Variants in ZNF790 observed in about 807,000 individuals in gnomAD.
The protein encoded by ZNF790 is zinc finger protein 790.
A neutral mutation model predicts 12.1 loss-of-function variants in ZNF790; 8 were observed. The observed-to-expected ratio is 0.66, with a 90% CI of 0.39 to 1.19. ZNF790 has a LOEUF of 1.19. Among genes scored for constraint, ZNF790 ranks in the 50% most tolerant of loss-of-function variants. ZNF790 has a pLI of 0.01. For missense variants in ZNF790, 707 were observed against 752.2 expected (o/e 0.94, Z 0.70); for synonymous variants, 252 against 244.3 (o/e 1.03, Z -0.29).
intron 1 of ZNF790, among the ~76,000 whole-genome samples, chr19:36,846,950 A>G (rs1257243484): frequency 6.6e-6 from 1 of 152,188 alleles, no homozygotes; most frequent in East Asian, 1.9e-4. Flanking sequence ...TACCTCTCTG[A>G]TATTGTGATG....
chr19:36,841,885 A>T (rs2072133046), upstream of ZNF790, among the ~76,000 whole-genome samples: 2 of 148,486 alleles, frequency 1.3e-5, no homozygotes, highest in South Asian at 2.2e-4. Context: ...AGTTATTATT[A>T]TTTTTTTTTG....
chr19:36,834,227 G>C (rs1043125108), intron 1 of ZNF790, among the ~76,000 whole-genome samples: 4 of 114,776 alleles, frequency 3.5e-5, no homozygotes, highest in Admixed American at 2.4e-4. Flanking sequence ...TGGGCAACAA[G>C]AGCGAAACTC....
chr19:36,826,616 T>TATC (rs2071807044), intron 1 of ZNF790, among the ~76,000 whole-genome samples: 2 of 50,516 alleles, frequency 4.0e-5, no homozygotes, highest in Non-Finnish European at 8.5e-5. Context: ...AATTTTATAA[T>TATC]TATCTATAAT....
At chr19:36,823,483 C>A (rs2071721979) in intron 3 of ZNF790, 103 bp from the exon 4 acceptor site, 1 of 1,297,658 alleles carries the variant, frequency 7.7e-7, no homozygotes. Context: ...ACAGGCAGGA[C>A]AAAAATAAGT....
At chr19:36,826,425 A>G (rs2071800697) in intron 1 of ZNF790, among the ~76,000 whole-genome samples, 1 of 151,956 alleles carries the variant, frequency 6.6e-6, no homozygotes, top group South Asian at 2.1e-4. Context: ...TCTACTAAAA[A>G]TACAAAAATT....
Position 36,820,735 on chromosome 19 carries a change from C to T in ZNF790, c.230-621G>A, listed in dbSNP as rs537651965. On this transcript the variant is annotated intron_variant, in intron 4 of 4. Transcript: ENST00000356725. ...CCTAGGCAACATGGCAAAAACCCAT[C>T]TCTATAAAAAATTAGCCAGGAGTGG... 2.6e-5 allele frequency among the ~76,000 whole-genome samples: 4 copies of T among 152,048 alleles called. No individual in the cohort carries two copies. In the East Asian group the frequency reaches 7.8e-4, roughly 29 times the overall value.
At chr19:36,830,677 G>A (rs1724210283) in intron 1 of ZNF790, among the ~76,000 whole-genome samples, 3 of 152,134 alleles carry the variant, frequency 2.0e-5, no homozygotes, top group African/African-American at 7.2e-5. Context: ...TAAAAAAATT[G>A]TCTTCTACTG....
At chr19:36,846,545 C>G (rs973955116) in intron 1 of ZNF790, among the ~76,000 whole-genome samples, 1 of 151,342 alleles carries the variant, frequency 6.6e-6, no homozygotes, top group African/African-American at 2.4e-5. Flanking sequence ...GCCTGGGCGA[C>G]AGAGCGAGAC....
chr19:36,819,383 G>C lies in ZNF790; in HGVS notation c.961C>G (p.Gln321Glu), dbSNP rs777548859. 6.2e-7 allele frequency: 1 copy of C among 1,612,976 alleles called. No homozygotes were observed. Among genetic ancestry groups the C allele is most frequent in the Non-Finnish European group, 8.5e-7 (1 of 1,179,390 alleles). ...TGATGTTTAATAAGATGTGATCGCTGACTAAAGGCCTTTCTACATTCATTA... is the reference window on the plus strand; with the variant it reads ...TGATGTTTAATAAGATGTGATCGCTCACTAAAGGCCTTTCTACATTCATTA... ...ECNECRKAFS[Q>E]RSHLIKHQRI... The change falls in exon 5 of 5, where the codon CAG (glutamine) becomes GAG (glutamate). Residue 321 changes from glutamine (Q) to glutamate (E), a missense_variant. Transcript: ENST00000356725.
intron 1 of ZNF790, among the ~76,000 whole-genome samples, chr19:36,846,519 G>GT (rs2072182552): frequency 2.0e-5 from 3 of 152,060 alleles, no homozygotes; most frequent in Admixed American, 2.0e-4. Context: ...AGCCGAGACA[G>GT]TGCCACTGCA....
chr19:36,822,502 G>A (rs1027747412), intron 4 of ZNF790, among the ~76,000 whole-genome samples: 2 of 150,102 alleles, frequency 1.3e-5, no homozygotes, highest in Non-Finnish European at 3.0e-5. Context: ...CTAGGCCTCA[G>A]GCCCTTATTA....
At chr19:36,832,841 G>GGTGTCATTTCACATATAT (rs1335083132) in intron 1 of ZNF790, among the ~76,000 whole-genome samples, 1 of 152,260 alleles carries the variant, frequency 6.6e-6, no homozygotes, top group East Asian at 1.9e-4. Context: ...ATAACTGAGA[G>GGTGTCATTTCACATATAT]ATAAAGGGTG....
In ZNF790 at chr19:36,819,870, A is replaced by G; in HGVS notation, c.474T>C (p.Asn158=). 1 of 1,614,204 alleles carries G rather than the reference A, an allele frequency of 6.2e-7. No individual in the cohort carries two copies. Among genetic ancestry groups the G allele is most frequent in the African/African-American group, 1.3e-5 (1 of 75,062 alleles). The part of the protein sequence containing the change: ...RPTFNQHTVF[N]LHQRLNTGDK... ...CTCCTGTATTAAGTCTCTGGTGTAG[A>G]TTAAACACTGTATGCTGGTTAAAAG... The change falls in exon 5 of 5, where the codon AAT becomes AAC. Residue 158 remains asparagine (N), a synonymous_variant. Coordinates refer to ENST00000356725, the MANE Select transcript of ZNF790 (RefSeq NM_206894.4).
Position 36,819,997 on chromosome 19 carries a change from CAT to C in ZNF790, c.345_346del (p.Cys116PhefsTer2), listed in dbSNP as rs1491122492. ...GTTGCCTTCCCAGTCACCTCTAAAA[CAT>C]AAACAGTCAAGGCTGTGGTTTTTAC... On this transcript the variant is annotated frameshift_variant, in exon 5 of 5. Coordinates refer to ENST00000356725, the MANE Select transcript of ZNF790 (RefSeq NM_206894.4). LOFTEE classifies it low-confidence loss of function (END_TRUNC). 1.8e-5 allele frequency: 29 copies of C among 1,613,834 alleles called. No homozygotes were observed. Among genetic ancestry groups the C allele is most frequent in the Middle Eastern group, 1.6e-4 (1 of 6,082 alleles).
chr19:36,845,560 G>A (rs2072172781), intron 1 of ZNF790, among the ~76,000 whole-genome samples: 1 of 152,138 alleles, frequency 6.6e-6, no homozygotes, highest in African/African-American at 2.4e-5. Flanking sequence ...GCAAAAATGA[G>A]GATGGAGGTA....
intron 2 of ZNF790, 105 bp from the exon 3 acceptor site, chr19:36,823,895 G>A (rs765503524): frequency 8.7e-5 from 95 of 1,087,242 alleles, no homozygotes; most frequent in Non-Finnish European, 1.1e-4. Flanking sequence ...TGCAGGGAGT[G>A]GGGCATATAT....
intron 1 of ZNF790, among the ~76,000 whole-genome samples, chr19:36,830,370 G>C (rs942422689): frequency 6.6e-6 from 1 of 152,138 alleles, no homozygotes; most frequent in Non-Finnish European, 1.5e-5. Flanking sequence ...AGCCAACCTT[G>C]CATTTCTGGG....
chr19:36,843,580 G>A lies in ZNF790; in HGVS notation c.-74+6422C>T, dbSNP rs192196450. On this transcript the variant is annotated intron_variant, in intron 1 of 4. Coordinates refer to the ZNF790 transcript ENST00000528994. ...CATCAGCCCCTACTTGATCTGCCCA[G>A]TAAAGGAAAGGATGAATTCTCTAAA... Among the ~76,000 whole-genome samples, 988 of 152,240 alleles carry A rather than the reference G, an allele frequency of 6.5e-3. 5 individuals carry two copies. The highest frequency in any genetic ancestry group is 0.011 in the Non-Finnish European group (744 of 68,018).
upstream of ZNF790, among the ~76,000 whole-genome samples, chr19:36,840,342 G>C (rs2072119697): frequency 6.6e-6 from 1 of 152,104 alleles, no homozygotes. Flanking sequence ...AATCAGTAAA[G>C]AAAAAAGCGC....
Sources: gnomAD v4.1 joint callset for allele counts (sites outside exome capture counted in the v4.1 genomes callset) on GRCh38, gnomAD v4.1.1 for gene constraint, MANE v1.5 for transcripts, NCBI Gene and HGNC (gene_info 2026-07-23, HGNC 2026-07-21) for gene names.